RARS1: variants seen among roughly 807,000 people sequenced by gnomAD.
RARS1 encodes the protein arginine--tRNA ligase, cytoplasmic.
A neutral mutation model predicts 78.7 loss-of-function variants in RARS1; 75 were observed. The observed-to-expected ratio is 0.95, with a 90% CI of 0.79 to 1.15. The LOEUF (loss-of-function observed/expected upper bound fraction) is 1.15. Among genes scored for constraint, RARS1 ranks in the 50% most tolerant of loss-of-function variants. The pLI is 0.00. For synonymous variants in RARS1, 273 were observed against 268.2 expected (o/e 1.02, Z -0.18); for missense variants, 787 against 787.5 (o/e 1.00, Z 0.01).
intron 7 of RARS1, among the ~76,000 whole-genome samples, 185 bp from the exon 8 acceptor site, chr5:168,500,406 G>C (rs1438928865): frequency 6.6e-6 from 1 of 152,040 alleles, no homozygotes; most frequent in Non-Finnish European, 1.5e-5. Flanking sequence ...TAAGAGAAAT[G>C]ATTTCAAAGT....
Position 168,488,719 on chromosome 5 carries a change from C to G in RARS1, c.163C>G (p.Leu55Val). 1.2e-6 allele frequency: 2 copies of G among 1,607,166 alleles called. No homozygotes were observed. Among genetic ancestry groups the G allele is most frequent in the Non-Finnish European group, 1.7e-6 (2 of 1,178,010 alleles). ...QEENLKLKYR[L>V]NILRKSLQAE... ...AGAAAATTTAAAATTAAAGTATCGA[C>G]TGAATATTCTTCGAAAGGTGAGTAC... The change falls in exon 2 of 15, where the codon CTG becomes GTG. Residue 55 changes from leucine (L) to valine (V), a missense_variant. Physicochemically the swap from Leu to Val is conservative, Grantham distance 32. Coordinates refer to ENST00000231572, the MANE Select transcript of RARS1 (RefSeq NM_002887.4).
chr5:168,487,002 AT>A (rs1376882191), intron 1 of RARS1, among the ~76,000 whole-genome samples: 3 of 152,100 alleles, frequency 2.0e-5, no homozygotes, highest in Non-Finnish European at 4.4e-5. Flanking sequence ...GGGGTGATTC[AT>A]TATCAGACCA....
Position 168,513,405 on chromosome 5 carries a change from C to T in RARS1, c.1452+2719C>T, listed in dbSNP as rs563879195. On this transcript the variant is annotated intron_variant, in intron 12 of 14. Transcript: ENST00000231572. ...CACAATCTTGGCTCACTGCAACCTC[C>T]GTCTCCCGGGTTCAAGCAGTTCTCC... Among the ~76,000 whole-genome samples, 9 of 151,944 alleles carry T rather than the reference C, an allele frequency of 5.9e-5. No homozygotes were observed. In the South Asian group the frequency reaches 8.4e-4, roughly 14 times the overall value.
intron 2 of RARS1, among the ~76,000 whole-genome samples, chr5:168,489,891 A>T (rs1025623479): frequency 1.3e-5 from 2 of 150,432 alleles, no homozygotes; most frequent in South Asian, 4.2e-4. Flanking sequence ...CTCAGCTCAC[A>T]ATAACCTCCA....
rs566856616 is a variant in RARS1 at position 168,517,721 on chromosome 5, C to CT, written c.1626-89dup. On this transcript the variant is annotated intron_variant, in intron 13 of 14. Coordinates refer to ENST00000231572, the MANE Select transcript of RARS1 (RefSeq NM_002887.4). ...AAAATACTTCATTTTATAGGAACTT[C>CT]TTTTTAATCGGTGATAATTTCGAGT... 1.2e-3 allele frequency: 1,594 copies of CT among 1,386,018 alleles called. 21 individuals carry two copies. In the South Asian group the frequency reaches 0.018, roughly 15 times the overall value. 85.9% of individuals were successfully genotyped at this position (1,386,018 alleles called of 1,614,324 possible).
chr5:168,507,610 G>C (rs1438103907), intron 11 of RARS1, among the ~76,000 whole-genome samples: 2 of 152,158 alleles, frequency 1.3e-5, no homozygotes, highest in Admixed American at 1.3e-4. Context: ...AGCCCTAATT[G>C]AACATGTAAA....
chr5:168,500,760 A>G (rs763587918), intron 8 of RARS1, 40 bp downstream of exon 8: 33 of 1,587,528 alleles, frequency 2.1e-5, no homozygotes, highest in African/African-American at 1.1e-4. Flanking sequence ...AGCAAATACT[A>G]TGTATATCAT....
intron 12 of RARS1, among the ~76,000 whole-genome samples, chr5:168,512,943 T>G (rs1002319412): frequency 1.3e-5 from 2 of 152,238 alleles, no homozygotes; most frequent in Non-Finnish European, 2.9e-5. Context: ...TATTTTAGCT[T>G]TTCTGGTGAG....
intron 12 of RARS1, among the ~76,000 whole-genome samples, chr5:168,511,195 ATT>A (rs112853562): frequency 0.042 from 6,091 of 143,972 alleles, 405 homozygotes; most frequent in Admixed American, 0.19. Flanking sequence ...AACAAGAAAA[ATT>A]TTTTTTTTTT....
At chr5:168,498,355 A>T (rs960890169) in intron 7 of RARS1, among the ~76,000 whole-genome samples, 6 of 152,202 alleles carry the variant, frequency 3.9e-5, no homozygotes, top group Admixed American at 2.0e-4. Flanking sequence ...ATGTATTTTG[A>T]TATGATTAAA....
At position 168,518,069 on chromosome 5, in the gene RARS1, G is replaced by GTATTTTTTTTTTT; in HGVS notation, c.1873+8_1873+9insATTTTTTTTTTTT. 7 of 675,646 alleles carry GTATTTTTTTTTTT rather than the reference G, an allele frequency of 1.0e-5. No individual in the cohort carries two copies. The highest frequency in any genetic ancestry group is 3.3e-5 in the South Asian group (1 of 30,674). The allele number at this position is 675,646 out of a possible 1,614,324, so 41.9% of individuals were successfully genotyped here. A position where few individuals can be genotyped will look rare whatever the true frequency, so the allele number is the denominator to read the frequency against. On this transcript the variant is annotated splice_region_variant and intron_variant, in intron 14 of 14. Coordinates refer to ENST00000231572, the MANE Select transcript of RARS1 (RefSeq NM_002887.4). The stretch of plus-strand genomic sequence containing the variant: ...GAGAAAGATAGACAGACTGGTGAGT[G>GTATTTTTTTTTTT]TCTTTTTTTTTTTTTTTTTTTTTTT...
chr5:168,500,611 TACTG>T lies in RARS1; in HGVS notation c.845_848del (p.Thr282ArgfsTer12), dbSNP rs1370413934. 1.3e-6 allele frequency: 2 copies of T among 1,580,424 alleles called. No homozygotes were observed. The highest frequency in any genetic ancestry group is 1.9e-5 in the Admixed American group (1 of 52,498). The stretch of plus-strand genomic sequence containing the variant: ...TACAGGAATCTAAGAAGAGGTTTGA[TACTG>T]AGGAGGAATTTAAGAAGCGAGCATA... On this transcript the variant is annotated frameshift_variant, in exon 8 of 15. Transcript: ENST00000231572. LOFTEE classifies it high-confidence loss of function.
intron 2 of RARS1, among the ~76,000 whole-genome samples, chr5:168,489,655 C>G (rs964249059): frequency 6.6e-6 from 1 of 151,996 alleles, no homozygotes; most frequent in African/African-American, 2.4e-5. Context: ...ATGACATATC[C>G]CAGAGTGTTG....
chr5:168,494,477 G>C, intron 4 of RARS1, 73 bp from the exon 5 acceptor site: 1 of 1,581,298 alleles, frequency 6.3e-7, no homozygotes, highest in Non-Finnish European at 8.6e-7. Context: ...TCAGTGTCTG[G>C]AGCAAATCCT....
chr5:168,508,598 C>T (rs1758496770), intron 11 of RARS1, among the ~76,000 whole-genome samples: 1 of 117,086 alleles, frequency 8.5e-6, no homozygotes, highest in African/African-American at 3.4e-5. Flanking sequence ...CCAGCGTGGG[C>T]GACAGAGCAA....
At chr5:168,487,817 G>A (rs1435068630) in intron 1 of RARS1, among the ~76,000 whole-genome samples, 1 of 152,178 alleles carries the variant, frequency 6.6e-6, no homozygotes, top group Non-Finnish European at 1.5e-5. Context: ...GTCTGGTCTA[G>A]TCTAGGACCT....
intron 1 of RARS1, 38 bp from the exon 2 acceptor site, chr5:168,488,564 A>C: frequency 6.4e-7 from 1 of 1,573,248 alleles, no homozygotes; most frequent in African/African-American, 1.4e-5. Context: ...ATGTGGAAGT[A>C]AGTTTATGGA....
intron 6 of RARS1, 83 bp from the exon 7 acceptor site, chr5:168,497,145 C>A: frequency 9.0e-7 from 1 of 1,105,910 alleles, no homozygotes; most frequent in Non-Finnish European, 1.2e-6. Context: ...ATTAGTGGTT[C>A]CTAATGGAAT....
At chr5:168,500,216 A>G (rs1758287208) in intron 7 of RARS1, among the ~76,000 whole-genome samples, 2 of 151,376 alleles carry the variant, frequency 1.3e-5, no homozygotes, top group South Asian at 4.2e-4. Context: ...AAAAAAAAAA[A>G]AAAAAACGAA....
Sources: allele counts gnomAD v4.1 joint callset (sites outside exome capture counted in the v4.1 genomes callset), GRCh38; gene constraint gnomAD v4.1.1; transcripts MANE v1.5; gene names NCBI Gene and HGNC (gene_info 2026-07-23, HGNC 2026-07-21).